The following CACNA1D variants were observed in gnomAD, a reference collection of about 807,000 sequenced individuals.
CACNA1D encodes voltage-dependent L-type calcium channel subunit alpha-1D.
Under a neutral mutation model 257.1 loss-of-function variants are expected in CACNA1D, and 55 were observed. The observed-to-expected ratio is 0.21, with a 90% CI of 0.17 to 0.27. The LOEUF is 0.27. CACNA1D is among the 10% of genes least tolerant of loss of function. The probability of loss-of-function intolerance (pLI) is 1.00; values close to 1 mark genes in which losing one functional copy is unlikely to be tolerated. For missense variants in CACNA1D, 1,876 were observed against 2,784.0 expected, an observed-to-expected ratio of 0.67 and a Z score of 7.34; for synonymous variants, 980 against 1,014.9, an observed-to-expected ratio of 0.97 and a Z score of 0.65.
intron 5 of CACNA1D, 66 bp downstream of exon 5, chr3:53,660,341 T>C: frequency 6.6e-7 from 1 of 1,522,324 alleles, no homozygotes; most frequent in East Asian, 2.3e-5. Context: ...GGTTTCAGAA[T>C]CACTGGTGCT....
At chr3:53,798,517 T>A (rs1409023194) in intron 40 of CACNA1D, among the ~76,000 whole-genome samples, 2 of 152,124 alleles carry the variant, frequency 1.3e-5, no homozygotes, top group Non-Finnish European at 2.9e-5. Context: ...CCCTATAAGA[T>A]CTCAGCATTC....
intron 40 of CACNA1D, 100 bp downstream of exon 40, chr3:53,787,052 A>G: frequency 1.5e-6 from 2 of 1,306,528 alleles, no homozygotes; most frequent in Non-Finnish European, 2.2e-6. Flanking sequence ...GCAGTACCAC[A>G]AGGATTTTGT....
intron 40 of CACNA1D, among the ~76,000 whole-genome samples, chr3:53,795,373 C>T (rs966265811): frequency 6.6e-6 from 1 of 152,194 alleles, no homozygotes; most frequent in African/African-American, 2.4e-5. Context: ...AGACTCCAAT[C>T]CAGCGTTCTT....
intron 3 of CACNA1D, among the ~76,000 whole-genome samples, chr3:53,557,470 G>A (rs542958974): frequency 7.2e-5 from 11 of 152,080 alleles, no homozygotes; most frequent in Admixed American, 4.6e-4. Flanking sequence ...CTCCAGCCTG[G>A]GCGACAAGAG....
chr3:53,799,682 C>T (rs2083126), intron 40 of CACNA1D, among the ~76,000 whole-genome samples: 12,597 of 152,232 alleles, frequency 0.083, 851 homozygotes, highest in East Asian at 0.21. Context: ...CGTCGTGGTC[C>T]GAGTGTGCTG....
At chr3:53,552,560 T>C (rs1233269979) in intron 3 of CACNA1D, among the ~76,000 whole-genome samples, 2 of 152,040 alleles carry the variant, frequency 1.3e-5, no homozygotes, top group Non-Finnish European at 2.9e-5. Flanking sequence ...TTTGTAATTT[T>C]AGTAGAGACA....
At chr3:53,524,334 A>G (rs1356805661) in intron 3 of CACNA1D, among the ~76,000 whole-genome samples, 2 of 152,220 alleles carry the variant, frequency 1.3e-5, no homozygotes, top group African/African-American at 4.8e-5. Flanking sequence ...ATAAACACAG[A>G]ATATCTTATT....
chr3:53,701,646 G>A (rs763239876), intron 8 of CACNA1D, among the ~76,000 whole-genome samples: 2 of 152,232 alleles, frequency 1.3e-5, no homozygotes, highest in African/African-American at 2.4e-5. Flanking sequence ...TTCCTTGGCA[G>A]CTTTTTACTA....
At chr3:53,582,033 A>T (rs1283950949) in intron 3 of CACNA1D, among the ~76,000 whole-genome samples, 2 of 152,106 alleles carry the variant, frequency 1.3e-5, no homozygotes, top group Non-Finnish European at 2.9e-5. Flanking sequence ...TTTGTACTGT[A>T]TGCACAGATC....
rs1037823995 is a variant in CACNA1D, at chr3:53,762,043, A to G, written c.3832A>G (p.Ile1278Val). ...GAACACGTTTGACTCCCTCATCGTA[A>G]TCGGCAGCATTATAGACGTGGCCCT... ...AWNTFDSLIV[I>V]GSIIDVALSE... Residue 1278 changes from isoleucine to valine, a missense_variant, in exon 30 of 48, where the codon ATC becomes GTC. Coordinates refer to ENST00000350061, the MANE Select transcript of CACNA1D (RefSeq NM_001128840.3). 5 of 1,613,990 alleles carry G rather than the reference A, an allele frequency of 3.1e-6. No homozygotes were observed. The highest frequency in any genetic ancestry group is 4.2e-6 in the Non-Finnish European group (5 of 1,179,830).
intron 46 of CACNA1D, chr3:53,809,380 G>A (rs1040385374): frequency 2.4e-5 from 4 of 168,530 alleles, no homozygotes; most frequent in Non-Finnish European, 5.2e-5. Context: ...CATCAGAGAT[G>A]CCATTCATTC....
chr3:53,575,682 C>T (rs1350713141), intron 3 of CACNA1D, among the ~76,000 whole-genome samples: 1 of 151,750 alleles, frequency 6.6e-6, no homozygotes, highest in Non-Finnish European at 1.5e-5. Context: ...GCGGTTGTTA[C>T]TTTGTGAGAG....
rs1465790862 is a variant in CACNA1D, at chr3:53,738,234, C to A, written c.2752-2046C>A. Reference sequence around the variant, plus strand: ...GCCTCCAGGACTCTGTTGGGACAACCAAGCCTCATGCTGTTGCTTCCCATT... The same window carrying A: ...GCCTCCAGGACTCTGTTGGGACAACAAAGCCTCATGCTGTTGCTTCCCATT... On this transcript the variant is annotated intron_variant, in intron 20 of 47. Coordinates refer to ENST00000350061, the MANE Select transcript of CACNA1D (RefSeq NM_001128840.3). Among the ~76,000 whole-genome samples the A allele has an allele frequency of 3.3e-5, 5 of 152,216 alleles. No individual in the cohort carries two copies. In the East Asian group the frequency reaches 7.7e-4, roughly 23 times the overall value.
At chr3:53,738,462 G>A (rs1055701505) in intron 20 of CACNA1D, among the ~76,000 whole-genome samples, 3 of 152,146 alleles carry the variant, frequency 2.0e-5, no homozygotes, top group Non-Finnish European at 2.9e-5. Context: ...AAAGACCTCT[G>A]TGTCATTTCA....
At chr3:53,606,158 G>A (rs543643851) in intron 3 of CACNA1D, among the ~76,000 whole-genome samples, 152 of 152,352 alleles carry the variant, frequency 1.0e-3, no homozygotes, top group Middle Eastern at 6.8e-3. Flanking sequence ...GTCACATTTA[G>A]TTGGCTGACC....
chr3:53,676,749 A>G (rs2094380972), intron 8 of CACNA1D, among the ~76,000 whole-genome samples: 1 of 152,192 alleles, frequency 6.6e-6, no homozygotes, highest in Admixed American at 6.5e-5. Flanking sequence ...TTTATTTGTA[A>G]AGTGTTGTAA....
chr3:53,617,131 G>C (rs1464075797), intron 3 of CACNA1D, among the ~76,000 whole-genome samples: 1 of 152,124 alleles, frequency 6.6e-6, no homozygotes, highest in East Asian at 1.9e-4. Flanking sequence ...GTTGTCAGCA[G>C]GACCAACCAT....
rs1456940763 is a variant in CACNA1D, at chr3:53,731,135, A to G, written c.2395A>G (p.Ser799Gly). ...NKPEVNQIAN[S>G]DNKVTIDDYR... ...ACCAGAAGTCAACCAGATAGCCAAC[A>G]GTGACAACAAGGTATGTATTCTAAG... Residue 799 changes from serine to glycine, a missense_variant, in exon 17 of 48, where the codon AGT becomes GGT. Around this residue, in one of 10 missense-constraint regions of CACNA1D, gnomAD observed 78 missense variants for 69.2 expected, o/e 1.13. Coordinates refer to ENST00000350061, the MANE Select transcript of CACNA1D (RefSeq NM_001128840.3). 1 of 1,606,744 alleles carries G rather than the reference A, an allele frequency of 6.2e-7. No homozygotes were observed. The highest frequency in any genetic ancestry group is 1.7e-5 in the Admixed American group (1 of 60,020).
intron 3 of CACNA1D, among the ~76,000 whole-genome samples, chr3:53,617,529 T>G (rs2093650709): frequency 1.3e-5 from 2 of 152,224 alleles, no homozygotes; most frequent in African/African-American, 4.8e-5. Flanking sequence ...TGTAAAGTAC[T>G]TAGCATAATG....
Sources: allele counts gnomAD v4.1 joint callset (sites outside exome capture counted in the v4.1 genomes callset), GRCh38; gene constraint gnomAD v4.1.1; regional missense constraint gnomAD v4.1.1; transcripts MANE v1.5; gene names NCBI Gene and HGNC (gene_info 2026-07-23, HGNC 2026-07-21).